Variants in RPS6KA5 observed in about 807,000 individuals in gnomAD.
RPS6KA5 encodes the protein ribosomal protein S6 kinase A5.
A neutral mutation model predicts 85.5 loss-of-function variants in RPS6KA5; 27 were observed. The ratio of observed to expected loss-of-function variants is 0.32; its 90% CI spans 0.23 to 0.44. RPS6KA5 has a LOEUF of 0.44. RPS6KA5 is among the 20% of genes least tolerant of loss of function. The probability of loss-of-function intolerance (pLI) is 1.00; values close to 1 mark genes in which losing one functional copy is unlikely to be tolerated. For missense variants in RPS6KA5, 811 were observed against 980.9 expected (o/e 0.83, Z 2.31); for synonymous variants, 334 against 348.2 (o/e 0.96, Z 0.46).
At chr14:90,886,803 A>G (rs144002764) in intron 14 of RPS6KA5, among the ~76,000 whole-genome samples, 1,751 of 152,340 alleles carry the variant, frequency 0.011, 29 homozygotes, top group African/African-American at 0.04. Context: ...TATTTTTATT[A>G]AAGTCCTATA....
In RPS6KA5 at chr14:90,849,129, C is replaced by T. The variant is rs970580998; in HGVS notation, c.*22945G>A. ...ATGAGAAAAGGGGACTCAGTCGTAACCAGGAGAGCCCGCGCAGGCACCTTG... is the reference window on the plus strand; with the variant it reads ...ATGAGAAAAGGGGACTCAGTCGTAATCAGGAGAGCCCGCGCAGGCACCTTG... On this transcript the variant is annotated 3_prime_UTR_variant, in exon 17 of 17. Coordinates refer to ENST00000614987, the MANE Select transcript of RPS6KA5 (RefSeq NM_004755.4). The T allele has an allele frequency of 3.3e-5, 5 of 152,326 alleles. No homozygotes were observed. In the East Asian group the frequency reaches 9.6e-4, roughly 29 times the overall value. The allele number at this position is 152,326 out of a possible 1,614,324, so 9.4% of individuals were successfully genotyped here. A position where few individuals can be genotyped will look rare whatever the true frequency, so the allele number is the denominator to read the frequency against.
At chr14:91,006,549 G>A (rs931186468) in intron 1 of RPS6KA5, among the ~76,000 whole-genome samples, 4 of 152,144 alleles carry the variant, frequency 2.6e-5, no homozygotes, top group African/African-American at 9.7e-5. Flanking sequence ...CAAGAAGACT[G>A]CCATCTGCAA....
intron 5 of RPS6KA5, among the ~76,000 whole-genome samples, chr14:90,926,180 G>T (rs768912474): frequency 2.0e-5 from 3 of 151,768 alleles, no homozygotes; most frequent in African/African-American, 7.3e-5. Flanking sequence ...TAAGGTGAGC[G>T]GATCACTTGA....
At chr14:90,953,588 C>T (rs1008431684) in intron 3 of RPS6KA5, among the ~76,000 whole-genome samples, 2 of 152,130 alleles carry the variant, frequency 1.3e-5, no homozygotes, top group Admixed American at 6.5e-5. Context: ...AGCCTACAAA[C>T]GGACGTGCAA....
intron 1 of RPS6KA5, among the ~76,000 whole-genome samples, chr14:91,027,102 G>C (rs777010022): frequency 6.6e-6 from 1 of 152,152 alleles, no homozygotes; most frequent in African/African-American, 2.4e-5. Flanking sequence ...TTCTTCTGCT[G>C]TGCAGAAATT....
At chr14:91,016,378 A>T (rs1394947271) in intron 1 of RPS6KA5, among the ~76,000 whole-genome samples, 1 of 152,162 alleles carries the variant, frequency 6.6e-6, no homozygotes, top group East Asian at 1.9e-4. Context: ...TAAATGATTT[A>T]AAATGCAAAG....
chr14:90,998,956 G>A (rs2040654357), intron 2 of RPS6KA5, among the ~76,000 whole-genome samples: 1 of 152,160 alleles, frequency 6.6e-6, no homozygotes, highest in African/African-American at 2.4e-5. Flanking sequence ...CAGGCCGGGC[G>A]TGATGGCTCA....
intron 1 of RPS6KA5, among the ~76,000 whole-genome samples, chr14:91,045,828 G>C (rs1261775644): frequency 2.0e-5 from 3 of 152,048 alleles, no homozygotes; most frequent in Admixed American, 2.0e-4. Context: ...AGAAACCCCT[G>C]CATGAAATGG....
intron 1 of RPS6KA5, among the ~76,000 whole-genome samples, chr14:91,025,696 G>A (rs1050160684): frequency 6.6e-6 from 1 of 151,396 alleles, no homozygotes; most frequent in African/African-American, 2.4e-5. Context: ...AGGCAAATGA[G>A]AAGTTTCCAG....
chr14:90,955,361 G>A (rs915038647), intron 3 of RPS6KA5, among the ~76,000 whole-genome samples: 2 of 152,124 alleles, frequency 1.3e-5, no homozygotes, highest in Admixed American at 1.3e-4. Context: ...TCTAACTTCT[G>A]AGCTCAAGAG....
intron 7 of RPS6KA5, among the ~76,000 whole-genome samples, chr14:90,917,510 T>C (rs1286131): frequency 0.82 from 125,247 of 152,166 alleles, 52,160 homozygotes; most frequent in East Asian, 0.97. Context: ...AAGAAACAAA[T>C]ATACTCATCA....
intron 3 of RPS6KA5, among the ~76,000 whole-genome samples, chr14:90,950,939 G>A (rs995351762): frequency 4.6e-5 from 7 of 151,418 alleles, no homozygotes; most frequent in African/African-American, 1.2e-4. Context: ...TGGCCAACAC[G>A]GTGAAACCCT....
intron 1 of RPS6KA5, among the ~76,000 whole-genome samples, chr14:91,044,305 A>C (rs562566676): frequency 8.4e-6 from 1 of 119,096 alleles, no homozygotes; most frequent in African/African-American, 3.3e-5. Context: ...AAGAGAGAGA[A>C]AGAGAGAGAG....
At chr14:90,969,127 T>C (rs1046997531) in intron 3 of RPS6KA5, among the ~76,000 whole-genome samples, 1 of 152,176 alleles carries the variant, frequency 6.6e-6, no homozygotes, top group Non-Finnish European at 1.5e-5. Context: ...AAATAGCCTT[T>C]AAACCAGTAA....
chr14:90,888,636 A>G (rs571448554), intron 14 of RPS6KA5, among the ~76,000 whole-genome samples: 2 of 152,212 alleles, frequency 1.3e-5, no homozygotes, highest in Non-Finnish European at 2.9e-5. Context: ...AACAACTGAC[A>G]CTAAAATAAA....
chr14:90,869,309 G>A lies in RPS6KA5; in HGVS notation c.*2765C>T, dbSNP rs1225208596. On this transcript the variant is annotated 3_prime_UTR_variant, in exon 17 of 17. Coordinates refer to ENST00000614987, the MANE Select transcript of RPS6KA5 (RefSeq NM_004755.4). ...CCCAAAGCACAAGGATTACAGGCCTGAGCCACCACACTCAGCCAATCAATT... is the reference window on the plus strand; with the variant it reads ...CCCAAAGCACAAGGATTACAGGCCTAAGCCACCACACTCAGCCAATCAATT... The A allele has an allele frequency of 2.0e-5, 3 of 152,274 alleles. No individual in the cohort carries two copies. Among genetic ancestry groups the A allele is most frequent in the African/African-American group, 7.2e-5 (3 of 41,548 alleles). The allele number at this position is 152,274 out of a possible 1,614,324, so 9.4% of individuals were successfully genotyped here.
At chr14:90,904,067 A>T (rs2035352547) in intron 8 of RPS6KA5, among the ~76,000 whole-genome samples, 1 of 151,854 alleles carries the variant, frequency 6.6e-6, no homozygotes, top group Non-Finnish European at 1.5e-5. Flanking sequence ...CTCCTGCCTC[A>T]GCCTCCTGAG....
At chr14:91,051,946 AG>A (rs2043100222) in intron 1 of RPS6KA5, among the ~76,000 whole-genome samples, 1 of 150,962 alleles carries the variant, frequency 6.6e-6, no homozygotes, top group Admixed American at 6.7e-5. Context: ...GGAAAAGACA[AG>A]GAACTAACTT....
intron 4 of RPS6KA5, 54 bp downstream of exon 4, chr14:90,947,381 A>G (rs2037927356): frequency 2.1e-6 from 2 of 941,138 alleles, no homozygotes; most frequent in African/African-American, 1.6e-5. Flanking sequence ...CAGCTCCATT[A>G]TTACCTTAGT....
Sources: allele counts gnomAD v4.1 joint callset (sites outside exome capture counted in the v4.1 genomes callset), GRCh38; gene constraint gnomAD v4.1.1; transcripts MANE v1.5; gene names NCBI Gene and HGNC (gene_info 2026-07-23, HGNC 2026-07-21).